Variants in SLC44A5 observed in about 807,000 individuals in gnomAD.
The protein encoded by SLC44A5 is solute carrier family 44 member 5.
SLC44A5 carries 57 observed loss-of-function variants against 101.8 expected under a neutral mutation model. The ratio of observed to expected loss-of-function variants is 0.56; its 90% confidence interval spans 0.45 to 0.70. The LOEUF (loss-of-function observed/expected upper bound fraction) is 0.70. Among genes scored for constraint, SLC44A5 ranks in the 30% least tolerant of loss-of-function variants. The probability of loss-of-function intolerance (pLI) is 0.00; values close to 1 mark genes in which losing one functional copy is unlikely to be tolerated. For synonymous variants in SLC44A5, 281 were observed against 290.9 expected, an observed-to-expected ratio of 0.97 and a Z score of 0.35; for missense variants, 737 against 853.1, an observed-to-expected ratio of 0.86 and a Z score of 1.70.
chr1:75,537,397 A>C (rs998958887), intron 2 of SLC44A5, among the ~76,000 whole-genome samples: 38 of 152,214 alleles, frequency 2.5e-4, no homozygotes, highest in African/African-American at 8.7e-4. Flanking sequence ...GTTAGATAAC[A>C]TGTATCTCTC....
At chr1:75,323,561 G>A (rs972379892) in intron 4 of SLC44A5, among the ~76,000 whole-genome samples, 1 of 152,144 alleles carries the variant, frequency 6.6e-6, no homozygotes, top group African/African-American at 2.4e-5. Flanking sequence ...CTAGTTTACA[G>A]TCCCACCAAC....
In SLC44A5 at chr1:75,227,747, G is replaced by A; in HGVS notation, c.964C>T (p.Gln322Ter). The A allele has an allele frequency of 6.4e-7, 1 of 1,556,012 alleles. No homozygotes were observed. The highest frequency in any genetic ancestry group is 8.6e-7 in the Non-Finnish European group (1 of 1,162,626). The change falls in exon 13 of 24, where the codon CAA becomes TAA. Residue 322 changes from glutamine (Q) to a stop codon, truncating the protein, a stop_gained. Transcript: ENST00000370859. LOFTEE classifies it high-confidence loss of function. ...QTNISMYFEL[Q>*]QTWFTFMIIL... ...TCACTAAATGTGAACCATGTTTGTT[G>A]CAGTTCAAAGTACATGCTTATGTTA... is the stretch of plus-strand genomic sequence containing the variant.
chr1:75,301,000 G>A (rs1299388191), intron 4 of SLC44A5, among the ~76,000 whole-genome samples: 1 of 152,058 alleles, frequency 6.6e-6, no homozygotes, highest in Non-Finnish European at 1.5e-5. Context: ...ATTTGAAATT[G>A]TAATATAAGC....
chr1:75,388,246 AC>A (rs199554766), intron 3 of SLC44A5, among the ~76,000 whole-genome samples: 2,009 of 151,008 alleles, frequency 0.013, 52 homozygotes, highest in African/African-American at 0.047. Context: ...CCAAAAAAAA[AC>A]AGTATTAAAA....
At chr1:75,325,232 A>C (rs997811170) in intron 4 of SLC44A5, among the ~76,000 whole-genome samples, 1 of 152,078 alleles carries the variant, frequency 6.6e-6, no homozygotes, top group Non-Finnish European at 1.5e-5. Context: ...TAAAAGACAG[A>C]AGAGGGCACT....
Position 75,282,987 on chromosome 1 carries a change from C to T in SLC44A5, c.176-7945G>A, listed in dbSNP as rs539826265. Among the ~76,000 whole-genome samples the T allele has an allele frequency of 5.9e-5, 9 of 152,224 alleles. No individual in the cohort carries two copies. In the South Asian group the frequency reaches 8.3e-4, roughly 14 times the overall value. Reference sequence around the variant, plus strand: ...AACATGCGTGTGCAAGTATCTTTTTCGTATAATGATTTCTTTTTCTCTGGG... The same window carrying T: ...AACATGCGTGTGCAAGTATCTTTTTTGTATAATGATTTCTTTTTCTCTGGG... On this transcript the variant is annotated intron_variant, in intron 5 of 23. Transcript: ENST00000370859.
chr1:75,624,853 T>C, the SLC44A5 span, among the ~76,000 whole-genome samples: 13 of 152,138 alleles, frequency 8.5e-5, no homozygotes, highest in Non-Finnish European at 1.6e-4. Context: ...CTGTGACTTA[T>C]GGCAAGTATA....
chr1:75,687,077 T>C, the SLC44A5 span, among the ~76,000 whole-genome samples: 2 of 152,156 alleles, frequency 1.3e-5, no homozygotes, highest in African/African-American at 4.8e-5. Context: ...TTGAAAGAGC[T>C]ACATAAGCTA....
At chr1:75,647,959 G>A in the SLC44A5 span, among the ~76,000 whole-genome samples, 1 of 152,132 alleles carries the variant, frequency 6.6e-6, no homozygotes, top group Non-Finnish European at 1.5e-5. Context: ...TTTTTGGAAG[G>A]CATAATTTTG....
chr1:75,251,607 A>C (rs1301363960), intron 6 of SLC44A5, among the ~76,000 whole-genome samples: 1 of 152,210 alleles, frequency 6.6e-6, no homozygotes, highest in Admixed American at 6.5e-5. Context: ...GAAATTTACA[A>C]TATGTCAATT....
rs569231884 is a variant in SLC44A5, at chr1:75,223,806, G to C, written c.986-1346C>G. On this transcript the variant is annotated intron_variant, in intron 13 of 23. Transcript: ENST00000370859. ...CATCTCACTTCTACATCTTCCTTTAGTTATACTATGTATTTATGTTTTCAT... is the reference window on the plus strand; with the variant it reads ...CATCTCACTTCTACATCTTCCTTTACTTATACTATGTATTTATGTTTTCAT... Among the ~76,000 whole-genome samples, 10 of 152,210 alleles carry C rather than the reference G, an allele frequency of 6.6e-5. No individual in the cohort carries two copies. In the East Asian group the frequency reaches 1.9e-3, roughly 29 times the overall value.
chr1:75,406,966 C>T (rs983158891), intron 2 of SLC44A5, among the ~76,000 whole-genome samples: 1 of 151,906 alleles, frequency 6.6e-6, no homozygotes, highest in Non-Finnish European at 1.5e-5. Flanking sequence ...AACCCTATCG[C>T]CTCAGCCCAA....
At chr1:75,487,444 C>A (rs974193301) in intron 2 of SLC44A5, among the ~76,000 whole-genome samples, 1 of 152,172 alleles carries the variant, frequency 6.6e-6, no homozygotes, top group South Asian at 2.1e-4. Flanking sequence ...TTGGCACTTT[C>A]AAACAATTAC....
intron 2 of SLC44A5, among the ~76,000 whole-genome samples, chr1:75,524,600 C>T (rs1670316441): frequency 6.6e-6 from 1 of 152,096 alleles, no homozygotes; most frequent in Admixed American, 6.6e-5. Flanking sequence ...GGATAATGGT[C>T]ATATATCAGG....
chr1:75,633,698 T>C, the SLC44A5 span, among the ~76,000 whole-genome samples: 2 of 151,854 alleles, frequency 1.3e-5, no homozygotes, highest in South Asian at 2.1e-4. Context: ...TTTTCCTAAT[T>C]GAATACCCTT....
At chr1:75,352,272 G>T (rs549813169) in intron 3 of SLC44A5, among the ~76,000 whole-genome samples, 1 of 151,842 alleles carries the variant, frequency 6.6e-6, no homozygotes, top group Non-Finnish European at 1.5e-5. Flanking sequence ...AAAGTGTGCC[G>T]TGGTGGTTTG....
At chr1:75,321,509 G>T (rs1656146024) in intron 4 of SLC44A5, among the ~76,000 whole-genome samples, 1 of 151,778 alleles carries the variant, frequency 6.6e-6, no homozygotes, top group African/African-American at 2.4e-5. Flanking sequence ...TCTTACAAGG[G>T]CACTAATCCC....
At position 75,222,416 on chromosome 1, in the gene SLC44A5, T is replaced by G. The variant is rs138027438; in HGVS notation, c.1030A>C (p.Ile344Leu). 9.9e-3 allele frequency: 15,902 copies of G among 1,613,610 alleles called. 115 individuals are homozygous for G. Among genetic ancestry groups the G allele is most frequent in the Non-Finnish European group, 0.012 (13,892 of 1,179,826 alleles). ...ACTCGGATTCGATTCCTGAGGAAGA[T>G]CAGCATGAGGATGACAATCACTTCA... ...IIEVIVILMLIFLRNRIRVAI... is the reference protein window; with the variant it reads ...IIEVIVILMLLFLRNRIRVAI... Residue 344 changes from isoleucine (I) to leucine (L), a missense_variant, in exon 14 of 24, where the codon ATC becomes CTC. By Grantham distance (5) the Ile-to-Leu change is conservative. This residue lies in a region of SLC44A5 where 665 missense variants were observed against 764.4 expected (regional missense o/e 0.87). Transcript: ENST00000370859.
intron 2 of SLC44A5, among the ~76,000 whole-genome samples, chr1:75,476,875 T>C (rs1244806994): frequency 1.3e-5 from 2 of 152,238 alleles, no homozygotes; most frequent in South Asian, 2.1e-4. Flanking sequence ...TAAATGTTCC[T>C]GTCTGACAGC....
Sources: allele counts gnomAD v4.1 joint callset (sites outside exome capture counted in the v4.1 genomes callset), GRCh38; gene constraint gnomAD v4.1.1; regional missense constraint gnomAD v4.1.1; transcripts MANE v1.5; gene names NCBI Gene and HGNC (gene_info 2026-07-23, HGNC 2026-07-21).